The following ALB variants were observed in gnomAD, a reference collection of about 807,000 sequenced individuals.
ALB encodes the protein serum albumin.
In ALB, 37 loss-of-function variants were observed where a neutral mutation model predicts 74.5. That is an observed-to-expected ratio of 0.50 (90% CI 0.38 to 0.65). ALB has a LOEUF of 0.65. Ranked by LOEUF, ALB falls within the 30% of genes least tolerant of loss-of-function variation. The pLI is 0.00. For missense variants in ALB, 685 were observed against 718.7 expected (o/e 0.95, Z 0.54); for synonymous variants, 249 against 251.6 (o/e 0.99, Z 0.10).
chr4:73,409,171 A>T (rs951573006), intron 4 of ALB, 184 bp from the exon 5 acceptor site: 2 of 693,568 alleles, frequency 2.9e-6, no homozygotes, highest in Non-Finnish European at 2.4e-6. Context: ...ACACACACAC[A>T]CTTAACCCTT....
At chr4:73,408,459 G>T in intron 3 of ALB, 135 bp from the exon 4 acceptor site, 1 of 750,744 alleles carries the variant, frequency 1.3e-6, no homozygotes, top group Non-Finnish European at 2.2e-6. Flanking sequence ...TGTAAACCTC[G>T]ATTGGGAGGG....
rs993669078 is a variant in ALB, at chr4:73,419,607, G to T, written c.1753G>T (p.Ala585Ser). Residue 585 changes from alanine (A) to serine (S), a missense_variant, in exon 13 of 15, where the codon GCT becomes TCT. Physicochemically the swap from Ala to Ser is moderately conservative, Grantham distance 99. Transcript: ENST00000295897. Reference sequence around the variant, plus strand: ...AGCTTTTGTAGAGAAGTGCTGCAAGGCTGACGATAAGGAGACCTGCTTTGC... The same window carrying T: ...AGCTTTTGTAGAGAAGTGCTGCAAGTCTGACGATAAGGAGACCTGCTTTGC... ...FAAFVEKCCK[A>S]DDKETCFAEE... 1.9e-6 allele frequency: 3 copies of T among 1,613,994 alleles called. No individual in the cohort carries two copies. The Admixed American group carries it at 5.0e-5, about 27-fold the overall frequency.
rs202225218 is a variant in ALB, at chr4:73,409,410, T to C, written c.538T>C (p.Phe180Leu). ...TTACTTTTATGCCCCGGAACTCCTTTTCTTTGCTAAAAGGTATAAAGCTGC... is the reference window on the plus strand; with the variant it reads ...TTACTTTTATGCCCCGGAACTCCTTCTCTTTGCTAAAAGGTATAAAGCTGC... ...HPYFYAPELL[F>L]FAKRYKAAFT... Residue 180 changes from phenylalanine to leucine, a missense_variant, in exon 5 of 15, where the codon TTC (phenylalanine) becomes CTC (leucine). Phe to Leu is a conservative substitution (Grantham distance 22). Coordinates refer to ENST00000295897, the MANE Select transcript of ALB (RefSeq NM_000477.7). The C allele has an allele frequency of 1.2e-6, 2 of 1,614,046 alleles. No individual in the cohort carries two copies. Among genetic ancestry groups the C allele is most frequent in the Non-Finnish European group, 1.7e-6 (2 of 1,179,908 alleles).
chr4:73,418,667 A>T (rs1196222240), intron 12 of ALB, among the ~76,000 whole-genome samples: 1 of 152,202 alleles, frequency 6.6e-6, no homozygotes, highest in African/African-American at 2.4e-5. Context: ...GATGTAAATA[A>T]TTATTTTAAG....
Position 73,417,655 on chromosome 4 carries a change from T to C in ALB, c.1414T>C (p.Cys472Arg). 6.2e-7 allele frequency: 1 copy of C among 1,613,092 alleles called. No individual in the cohort carries two copies. Among genetic ancestry groups the C allele is most frequent in the Non-Finnish European group, 8.5e-7 (1 of 1,179,456 alleles). Residue 472 changes from cysteine to arginine, a missense_variant, in exon 11 of 15, where the codon TGT becomes CGT. Coordinates refer to ENST00000295897, the MANE Select transcript of ALB (RefSeq NM_000477.7). ...CKHPEAKRMP[C>R]AEDYLSVVLN... ...ACATCCTGAAGCAAAAAGAATGCCC[T>C]GTGCAGAAGACTATGTGAGTCTTTA...
chr4:73,417,412 T>C, intron 10 of ALB, 119 bp from the exon 11 acceptor site: 1 of 1,285,914 alleles, frequency 7.8e-7, no homozygotes, highest in Non-Finnish European at 1.1e-6. Context: ...CAGATGGAGA[T>C]AATATGATGA....
chr4:73,409,270 G>T, intron 4 of ALB, 85 bp from the exon 5 acceptor site: 1 of 1,440,860 alleles, frequency 6.9e-7, no homozygotes, highest in South Asian at 1.2e-5. Flanking sequence ...GGAATTTGGA[G>T]GTTCTGGGGA....
At chr4:73,417,982 G>A in intron 11 of ALB, 106 bp from the exon 12 acceptor site, 2 of 1,055,726 alleles carry the variant, frequency 1.9e-6, no homozygotes, top group East Asian at 2.6e-5. Flanking sequence ...CCAAGTAGCT[G>A]GGACTACAGG....
intron 14 of ALB, among the ~76,000 whole-genome samples, chr4:73,420,530 T>A (rs953911672): frequency 3.3e-5 from 5 of 152,160 alleles, no homozygotes; most frequent in African/African-American, 1.2e-4. Context: ...AAAATGAAGA[T>A]AAACATCAAA....
chr4:73,417,937 C>A, intron 11 of ALB, 151 bp from the exon 12 acceptor site: 1 of 802,876 alleles, frequency 1.2e-6, no homozygotes, highest in Non-Finnish European at 2.1e-6. Flanking sequence ...CAACCTCCGC[C>A]TCCCAGGTTC....
At chr4:73,405,651 C>A (rs921613345) in intron 2 of ALB, among the ~76,000 whole-genome samples, 2 of 151,434 alleles carry the variant, frequency 1.3e-5, no homozygotes, top group East Asian at 3.9e-4. Flanking sequence ...AGTGCAGTGG[C>A]GCAATCTCGG....
chr4:73,417,467 T>A, intron 10 of ALB, 64 bp from the exon 11 acceptor site: 1 of 1,585,746 alleles, frequency 6.3e-7, no homozygotes, highest in Non-Finnish European at 8.7e-7. Flanking sequence ...AAGTGTTCTC[T>A]GTTTTATCTA....
chr4:73,409,382 T>G lies in ALB; in HGVS notation c.510T>G (p.His170Gln). The G allele has an allele frequency of 6.2e-7, 1 of 1,613,924 alleles. No homozygotes were observed. Among genetic ancestry groups the G allele is most frequent in the Non-Finnish European group, 8.5e-7 (1 of 1,179,818 alleles). ...ACTTATATGAAATTGCCAGAAGACA[T>G]CCTTACTTTTATGCCCCGGAACTCC... ...KKYLYEIARR[H>Q]PYFYAPELLF... The change falls in exon 5 of 15, where the codon CAT (histidine) becomes CAG (glutamine). Residue 170 changes from histidine to glutamine, a missense_variant. By Grantham distance (24) the His-to-Gln change is conservative. Coordinates refer to ENST00000295897, the MANE Select transcript of ALB (RefSeq NM_000477.7).
At position 73,419,502 on chromosome 4, in the gene ALB, C is replaced by T; in HGVS notation, c.1653-5C>T. Reference sequence around the variant, plus strand: ...TTTTTTTTTTCTTTTTCCATTCAAACTCAGTGCACTTGTTGAGCTCGTGAA... The same window carrying T: ...TTTTTTTTTTCTTTTTCCATTCAAATTCAGTGCACTTGTTGAGCTCGTGAA... On this transcript the variant is annotated splice_polypyrimidine_tract_variant and splice_region_variant and intron_variant, in intron 12 of 14. Coordinates refer to ENST00000295897, the MANE Select transcript of ALB (RefSeq NM_000477.7). The T allele has an allele frequency of 1.2e-6, 2 of 1,608,558 alleles. No individual in the cohort carries two copies. The highest frequency in any genetic ancestry group is 1.7e-6 in the Non-Finnish European group (2 of 1,176,988).
In ALB at chr4:73,408,861, G is replaced by A. The variant is rs1577936214; in HGVS notation, c.482+56G>A. 12 of 1,365,438 alleles carry A rather than the reference G, an allele frequency of 8.8e-6. No homozygotes were observed. In the East Asian group the frequency reaches 2.9e-4, roughly 33 times the overall value. 84.6% of individuals were successfully genotyped at this position (1,365,438 alleles called of 1,614,324 possible). On this transcript the variant is annotated intron_variant, in intron 4 of 14. Coordinates refer to ENST00000295897, the MANE Select transcript of ALB (RefSeq NM_000477.7). ...TAAAAAGCATGGAGTAACTCCATAG[G>A]CCAACACTCTATAAAAATTACCATA... is the stretch of plus-strand genomic sequence containing the variant.
At chr4:73,409,618 C>A in intron 5 of ALB, 131 bp downstream of exon 5, 1 of 1,135,436 alleles carries the variant, frequency 8.8e-7, no homozygotes, top group South Asian at 1.4e-5. Context: ...TTCCTTTTAT[C>A]TGTCTTGAAA....
intron 5 of ALB, among the ~76,000 whole-genome samples, chr4:73,409,842 G>A (rs1428168770): frequency 2.0e-5 from 3 of 151,906 alleles, no homozygotes; most frequent in Admixed American, 2.0e-4. Context: ...TAGTAGGGAG[G>A]GAATTCAAAG....
intron 9 of ALB, 86 bp downstream of exon 9, chr4:73,415,253 A>T: frequency 6.8e-7 from 1 of 1,473,642 alleles, no homozygotes; most frequent in Non-Finnish European, 9.4e-7. Context: ...ATGTAAAATG[A>T]TATACAGTGC....
At chr4:73,408,925 TATG>T in intron 4 of ALB, 120 bp downstream of exon 4, 1 of 923,674 alleles carries the variant, frequency 1.1e-6, no homozygotes, top group South Asian at 1.8e-5. Flanking sequence ...GAAGTTTTGT[TATG>T]ATGATTTTTT....
Sources: allele counts gnomAD v4.1 joint callset (sites outside exome capture counted in the v4.1 genomes callset), GRCh38; gene constraint gnomAD v4.1.1; transcripts MANE v1.5; gene names NCBI Gene and HGNC (gene_info 2026-07-23, HGNC 2026-07-21).